The following CWC25 variants were observed in gnomAD, a reference collection of about 807,000 sequenced individuals.
CWC25 encodes CWC25 spliceosome associated protein, also known as pre-mRNA-splicing factor CWC25 homolog.
Under a neutral mutation model 54.6 loss-of-function variants are expected in CWC25, and 31 were observed. That is an observed-to-expected ratio of 0.57 (90% CI 0.43 to 0.77). The LOEUF is 0.77. Among genes scored for constraint, CWC25 ranks in the 30% least tolerant of loss-of-function variants. The probability of loss-of-function intolerance (pLI) is 0.00; values close to 1 mark genes in which losing one functional copy is unlikely to be tolerated. For synonymous variants in CWC25, 151 were observed against 187.0 expected (o/e 0.81, Z 1.57); for missense variants, 453 against 529.3 (o/e 0.86, Z 1.41).
intron 8 of CWC25, 43 bp downstream of exon 8, chr17:38,806,254 C>T (rs1461384228): frequency 6.6e-7 from 1 of 1,515,706 alleles, no homozygotes; most frequent in African/African-American, 1.4e-5. Flanking sequence ...CTTCTAGATT[C>T]AGGCCTGCAA....
At position 38,814,853 on chromosome 17, in the gene CWC25, A is replaced by G. The variant is rs753216017; in HGVS notation, c.428+8T>C. On this transcript the variant is annotated splice_region_variant and intron_variant, in intron 3 of 9. Transcript: ENST00000614790. ...TAACAAACCCCCTTCCTAGCCCCCC[A>G]TTAGTACCTGATGATGAAGAGTGGG... 19 of 1,571,594 alleles carry G rather than the reference A, an allele frequency of 1.2e-5. No individual in the cohort carries two copies. The highest frequency in any genetic ancestry group is 1.7e-4 in the Middle Eastern group (1 of 5,838).
chr17:38,815,811 G>A (rs1251222411), intron 2 of CWC25: 4 of 500,504 alleles, frequency 8.0e-6, no homozygotes, highest in East Asian at 7.2e-5. Context: ...GACCACATAC[G>A]CAGTTGCATT....
intron 9 of CWC25, among the ~76,000 whole-genome samples, 155 bp from the exon 10 acceptor site, chr17:38,802,361 T>G (rs1054271709): frequency 1.3e-5 from 2 of 152,254 alleles, no homozygotes; most frequent in African/African-American, 2.4e-5. Context: ...TGACTCCACC[T>G]GGAACCAAAT....
At chr17:38,812,567 C>T (rs374874382) in intron 4 of CWC25, among the ~76,000 whole-genome samples, 3 of 152,108 alleles carry the variant, frequency 2.0e-5, no homozygotes, top group Admixed American at 6.5e-5. Context: ...GCGGAGGTTG[C>T]GGTGAGCTGA....
chr17:38,823,052 A>C (rs1268244645), intron 1 of CWC25, among the ~76,000 whole-genome samples: 1 of 150,568 alleles, frequency 6.6e-6, no homozygotes, highest in African/African-American at 2.4e-5. Flanking sequence ...GTTAGCCATG[A>C]TGGTCTCGAT....
At position 38,806,967 on chromosome 17, in the gene CWC25, A is replaced by T. The variant is rs746562903; in HGVS notation, c.700T>A (p.Ser234Thr). Residue 234 changes from serine to threonine, a missense_variant, in exon 7 of 10, where the codon TCT (serine) becomes ACT (threonine). Physicochemically the swap from Ser to Thr is moderately conservative, Grantham distance 58. Around this residue, in one of 2 missense-constraint regions of CWC25, gnomAD observed 444 missense variants for 499.2 expected, o/e 0.89. Coordinates refer to ENST00000614790, the MANE Select transcript of CWC25 (RefSeq NM_017748.5). ...CCCTGAAGACCCTGGTTACGGTCAG[A>T]GTTCCGGACCTACATCATTAAGGAA... is the stretch of plus-strand genomic sequence containing the variant. ...VPGYGLQVRN[S>T]DRNQGLQGPL... The T allele has an allele frequency of 2.5e-6, 4 of 1,609,770 alleles. No homozygotes were observed. The highest frequency in any genetic ancestry group is 3.4e-6 in the Non-Finnish European group (4 of 1,178,532).
chr17:38,800,507 G>A lies in CWC25; in HGVS notation c.*1585C>T, dbSNP rs1258830170. On this transcript the variant is annotated 3_prime_UTR_variant, in exon 10 of 10. Coordinates refer to ENST00000614790, the MANE Select transcript of CWC25 (RefSeq NM_017748.5). The stretch of plus-strand genomic sequence containing the variant: ...TATAAAATAAACATAATTAACCCCG[G>A]CATAATGAAGTGATTAAATGAATAA... The A allele has an allele frequency of 6.6e-6, 1 of 152,112 alleles. No homozygotes were observed. The highest frequency in any genetic ancestry group is 1.5e-5 in the Non-Finnish European group (1 of 68,038). 9.4% of individuals were successfully genotyped at this position (152,112 alleles called of 1,614,324 possible).
At chr17:38,812,741 C>G (rs953181282) in intron 4 of CWC25, 54 bp downstream of exon 4, 1 of 1,049,596 alleles carries the variant, frequency 9.5e-7, no homozygotes, top group Non-Finnish European at 1.4e-6. Context: ...GAGAGACGTT[C>G]TCACGTTATA....
chr17:38,806,824 G>C lies in CWC25; in HGVS notation c.843C>G (p.Ser281=), dbSNP rs779936732. 36 of 1,612,880 alleles carry C rather than the reference G, an allele frequency of 2.2e-5. No homozygotes were observed. Among genetic ancestry groups the C allele is most frequent in the Non-Finnish European group, 3.0e-5 (35 of 1,179,658 alleles). ...CCAGGGATCGAGACCTCCTGTCCCG[G>C]GACCCTGCTTCCCTGGTGCTCTTCT... ...ASKKSTREAG[S]RDRRSRSLGR... is the part of the protein sequence containing the mutation. The change falls in exon 7 of 10, where the codon TCC becomes TCG. Residue 281 remains serine (S), a synonymous_variant. Transcript: ENST00000614790.
intron 2 of CWC25, among the ~76,000 whole-genome samples, chr17:38,817,344 A>G (rs998150024): frequency 2.0e-5 from 3 of 151,494 alleles, no homozygotes; most frequent in African/African-American, 7.3e-5. Flanking sequence ...GGTCTCAAAA[A>G]AAAAAAAATA....
rs569493985 is a variant in CWC25, at chr17:38,804,075, C to A, written c.1002-1214G>T. ...GAAAGAAGTTATCAAAGAAATAATA[C>A]AAGAAAATTTCCTAGAACTCAAAGA... On this transcript the variant is annotated intron_variant, in intron 8 of 9. Transcript: ENST00000614790. Among the ~76,000 whole-genome samples the A allele has an allele frequency of 2.7e-4, 41 of 152,020 alleles. No individual in the cohort carries two copies. In the South Asian group the frequency reaches 5.8e-3, roughly 22 times the overall value.
In CWC25 at chr17:38,825,179, C is replaced by A; in HGVS notation, c.5G>T (p.Gly2Val). M[G>V]GGDLNLKKSW... is the part of the protein sequence containing the mutation. ...CCCTCCACTCACCAGGTCTCCGCCC[C>A]CCATGACGGTGGAGACGATTCCTCA... The change falls in exon 1 of 10, where the codon GGG becomes GTG. Residue 2 changes from glycine (G) to valine (V), a missense_variant. By Grantham distance (109) the Gly-to-Val change is moderately radical. Around this residue, in one of 2 missense-constraint regions of CWC25, gnomAD observed 9 missense variants for 30.1 expected, o/e 0.30. Coordinates refer to ENST00000614790, the MANE Select transcript of CWC25 (RefSeq NM_017748.5). 1 of 1,590,376 alleles carries A rather than the reference C, an allele frequency of 6.3e-7. No homozygotes were observed. The highest frequency in any genetic ancestry group is 2.3e-5 in the East Asian group (1 of 43,166).
chr17:38,816,448 T>TGC lies in CWC25; in HGVS notation c.192-1353_192-1352dup, dbSNP rs537537295. Among the ~76,000 whole-genome samples the TGC allele has an allele frequency of 2.5e-3, 373 of 152,032 alleles. 2 individuals are homozygous for TGC. The highest frequency in any genetic ancestry group is 8.4e-3 in the African/African-American group (348 of 41,492). The stretch of plus-strand genomic sequence containing the variant: ...TTTCAATTTTTAAACAGATGGGACT[T>TGC]GCTATGTTGCCCAGGCTAGTCTCAA... On this transcript the variant is annotated intron_variant, in intron 2 of 9. Transcript: ENST00000614790.
At chr17:38,810,797 C>A (rs973218731) in intron 4 of CWC25, among the ~76,000 whole-genome samples, 1 of 151,026 alleles carries the variant, frequency 6.6e-6, no homozygotes, top group African/African-American at 2.4e-5. Flanking sequence ...GTGGTGGGCA[C>A]CTGTAATACC....
intron 3 of CWC25, 52 bp downstream of exon 3, chr17:38,814,809 C>T: frequency 8.1e-7 from 1 of 1,229,306 alleles, no homozygotes; most frequent in South Asian, 1.3e-5. Flanking sequence ...ATGGCCTTAG[C>T]AGGGTCTCAA....
chr17:38,802,836 G>A lies in CWC25; in HGVS notation c.1027C>T (p.Arg343Ter), dbSNP rs760543725. 42 of 1,613,592 alleles carry A rather than the reference G, an allele frequency of 2.6e-5. No individual in the cohort carries two copies. The highest frequency in any genetic ancestry group is 3.3e-5 in the South Asian group (3 of 91,076). Reference protein sequence around the residue: ...TRKLSAEELERKRQEMMENAK... With the variant: ...TRKLSAEELE ...TTTTCCATCATCTCTTGCCGTTTTC[G>A]CTCTAATTCCTCTGCAGAGAGTTTT... Residue 343 changes from arginine to a stop codon, truncating the protein, a stop_gained, in exon 9 of 10, where the codon CGA becomes TGA. Transcript: ENST00000614790. LOFTEE classifies it high-confidence loss of function.
At chr17:38,806,542 A>G in intron 7 of CWC25, 147 bp from the exon 8 acceptor site, 2 of 788,454 alleles carry the variant, frequency 2.5e-6, no homozygotes, top group Non-Finnish European at 4.0e-6. Flanking sequence ...TTGATGTTAG[A>G]CTCACCCCAG....
In CWC25 at chr17:38,801,547, C is replaced by G. The variant is rs1911027511; in HGVS notation, c.*545G>C. On this transcript the variant is annotated 3_prime_UTR_variant, in exon 10 of 10. Transcript: ENST00000614790. ...CATATACGCATTACAATTTTACATC[C>G]AAAGATCAAATAGTTAACAGTTCAT... The G allele has an allele frequency of 6.6e-6, 1 of 152,184 alleles. No homozygotes were observed. The highest frequency in any genetic ancestry group is 1.5e-5 in the Non-Finnish European group (1 of 68,056). The allele number at this position is 152,184 out of a possible 1,614,324, so 9.4% of individuals were successfully genotyped here.
intron 6 of CWC25, 42 bp from the exon 7 acceptor site, chr17:38,807,018 C>A (rs1911275254): frequency 1.9e-6 from 3 of 1,549,552 alleles, no homozygotes; most frequent in Non-Finnish European, 2.6e-6. Context: ...CATGGAAAAT[C>A]CAGCTATTCA....
Sources: allele counts gnomAD v4.1 joint callset (sites outside exome capture counted in the v4.1 genomes callset), GRCh38; gene constraint gnomAD v4.1.1; regional missense constraint gnomAD v4.1.1; transcripts MANE v1.5; gene names NCBI Gene and HGNC (gene_info 2026-07-23, HGNC 2026-07-21).